The following TSPAN32 variants were observed in gnomAD, a reference collection of about 807,000 sequenced individuals.
The protein encoded by TSPAN32 is tetraspanin 32, also known as tetraspanin-32.
In TSPAN32, 47 loss-of-function variants were observed where a neutral mutation model predicts 42.7. The observed-to-expected ratio is 1.10, with a 90% CI of 0.87 to 1.40. TSPAN32 has a LOEUF of 1.40. TSPAN32 is among the 40% of genes most tolerant of loss of function. The pLI, the probability that TSPAN32 is intolerant of heterozygous loss-of-function variation, is 0.00. For synonymous variants in TSPAN32, 175 were observed against 175.9 expected (o/e 0.99, Z 0.04); for missense variants, 469 against 424.1 (o/e 1.11, Z -0.93).
At chr11:2,307,067 G>A (rs1848161402) in intron 3 of TSPAN32, 1 of 154,150 alleles carries the variant, frequency 6.5e-6, no homozygotes, top group African/African-American at 2.4e-5. Flanking sequence ...AAGAGAGGAG[G>A]AGGAGGCAGC....
chr11:2,315,312 G>A (rs915519224), intron 6 of TSPAN32: 4 of 1,173,316 alleles, frequency 3.4e-6, no homozygotes, highest in South Asian at 1.6e-5. Flanking sequence ...GGCCTGGTGA[G>A]GGGTGGAGCC....
At position 2,302,140 on chromosome 11, in the gene TSPAN32, A is replaced by T. The variant is rs1169405346; in HGVS notation, c.-10A>T. ...AAGGGAGGGGAGGAGAGGAGAGGAGAGGAACCGTCATGGGGCCTTGGAGTC... is the reference window on the plus strand; with the variant it reads ...AAGGGAGGGGAGGAGAGGAGAGGAGTGGAACCGTCATGGGGCCTTGGAGTC... On this transcript the variant is annotated 5_prime_UTR_variant, in exon 1 of 10. Coordinates refer to ENST00000182290, the MANE Select transcript of TSPAN32 (RefSeq NM_139022.3). 16 of 1,468,168 alleles carry T rather than the reference A, an allele frequency of 1.1e-5. No homozygotes were observed. The highest frequency in any genetic ancestry group is 1.4e-5 in the Non-Finnish European group (16 of 1,109,018). 90.9% of individuals were successfully genotyped at this position (1,468,168 alleles called of 1,614,324 possible). A position where few individuals can be genotyped will look rare whatever the true frequency, so the allele number is the denominator to read the frequency against.
At chr11:2,307,722 G>A (rs1387524579) in intron 3 of TSPAN32, among the ~76,000 whole-genome samples, 2 of 152,196 alleles carry the variant, frequency 1.3e-5, no homozygotes, top group African/African-American at 4.8e-5. Flanking sequence ...AAGTGCCGGG[G>A]GCGGGTGCGC....
chr11:2,307,290 G>T (rs891084147), intron 3 of TSPAN32, among the ~76,000 whole-genome samples: 12 of 152,116 alleles, frequency 7.9e-5, no homozygotes, highest in African/African-American at 2.7e-4. Flanking sequence ...GCATGTGTGG[G>T]TCTCCGTCTA....
intron 3 of TSPAN32, among the ~76,000 whole-genome samples, chr11:2,306,240 A>G (rs1294941708): frequency 1.8e-4 from 27 of 152,024 alleles, no homozygotes. Flanking sequence ...GGGCGCCTGG[A>G]TGCTCCCCAC....
intron 4 of TSPAN32, among the ~76,000 whole-genome samples, chr11:2,311,616 C>T (rs1030919688): frequency 2.0e-5 from 3 of 152,176 alleles, no homozygotes; most frequent in Non-Finnish European, 1.5e-5. Flanking sequence ...TCCTGCAGCT[C>T]CTGGTCCCCA....
intron 4 of TSPAN32, among the ~76,000 whole-genome samples, chr11:2,312,689 C>A (rs546934103): frequency 6.6e-6 from 1 of 152,220 alleles, no homozygotes; most frequent in Admixed American, 6.5e-5. Context: ...CGTAAGCCAC[C>A]CTTCCTTTCT....
At chr11:2,314,804 G>T (rs1848681768) in intron 6 of TSPAN32, 3 of 561,132 alleles carry the variant, frequency 5.3e-6, no homozygotes, top group Non-Finnish European at 6.4e-6. Context: ...ATAAACACAG[G>T]CCCCTTTGCC....
In TSPAN32 at chr11:2,308,804, C is replaced by T; in HGVS notation, c.348C>T (p.Pro116=). 6.4e-7 allele frequency: 1 copy of T among 1,566,586 alleles called. No individual in the cohort carries two copies. Among genetic ancestry groups the T allele is most frequent in the African/African-American group, 1.4e-5 (1 of 73,612 alleles). ...VQVVFWRLHS[P]TQVEDAMLDT... Reference sequence around the variant, plus strand: ...TGGTGTTCTGGAGACTCCACAGCCCCACCCAGGTGAGCACCAGCTGCCCCT... The same window carrying T: ...TGGTGTTCTGGAGACTCCACAGCCCTACCCAGGTGAGCACCAGCTGCCCCT... Residue 116 remains proline (P), a synonymous_variant, in exon 4 of 10, where the codon CCC becomes CCT. Coordinates refer to ENST00000182290, the MANE Select transcript of TSPAN32 (RefSeq NM_139022.3).
chr11:2,309,314 G>C (rs1474406904), intron 4 of TSPAN32: 18 of 465,350 alleles, frequency 3.9e-5, no homozygotes, highest in Non-Finnish European at 6.7e-5. Context: ...CCCCCTCCAC[G>C]GAACAGCACC....
At chr11:2,316,202 G>T in intron 6 of TSPAN32, 27 bp from the exon 7 acceptor site, 2 of 1,535,038 alleles carry the variant, frequency 1.3e-6, no homozygotes, top group Non-Finnish European at 1.8e-6. Flanking sequence ...GCTCAGGGCG[G>T]GTACCATGCC....
intron 4 of TSPAN32, 53 bp downstream of exon 4, chr11:2,308,863 G>T: frequency 8.3e-7 from 1 of 1,208,516 alleles, no homozygotes; most frequent in Non-Finnish European, 1.2e-6. Flanking sequence ...GTAAGCCAGT[G>T]GGCACCTGGG....
chr11:2,303,029 T>C (rs371124980), intron 2 of TSPAN32, 71 bp downstream of exon 2: 16 of 1,390,382 alleles, frequency 1.2e-5, no homozygotes, highest in East Asian at 9.2e-5. Flanking sequence ...CGAGCCCAGC[T>C]GGACGCCTCA....
chr11:2,308,070 G>A lies in TSPAN32; in HGVS notation c.280-666G>A, dbSNP rs546273154. Among the ~76,000 whole-genome samples the A allele has an allele frequency of 3.8e-4, 58 of 152,294 alleles. 1 individual carries two copies. In the East Asian group the frequency reaches 9.9e-3, roughly 26 times the overall value. ...CCATGCCCCTCAGGAAGCAGCCCCA[G>A]TGGGCAGAGGTCTCCATCTTCTCAG... is the stretch of plus-strand genomic sequence containing the variant. On this transcript the variant is annotated intron_variant, in intron 3 of 9. Transcript: ENST00000182290.
chr11:2,315,488 T>C, intron 6 of TSPAN32: 1 of 1,152,162 alleles, frequency 8.7e-7, no homozygotes, highest in African/African-American at 1.6e-5. Flanking sequence ...TCGAGCACCC[T>C]TGGGATGGCA....
rs1205466229 is a variant in TSPAN32, at chr11:2,304,498, G to A, written c.279+294G>A. ...ACGCCCAACAAGGGTTCCTATAGGA[G>A]CTCTGAAAGAGAGAGACGGCCCTCC... On this transcript the variant is annotated intron_variant, in intron 3 of 9. Transcript: ENST00000182290. The surrounding 1 kb of genome is among the most constrained non-coding windows in gnomAD (Gnocchi z 4.8). 2.6e-5 allele frequency among the ~76,000 whole-genome samples: 4 copies of A among 151,860 alleles called. No homozygotes were observed. The highest frequency in any genetic ancestry group is 5.9e-5 in the Non-Finnish European group (4 of 67,942).
rs141213612 is a variant in TSPAN32, at chr11:2,314,395, T to G, written c.457-90T>G. 4 of 1,036,746 alleles carry G rather than the reference T, an allele frequency of 3.9e-6. No individual in the cohort carries two copies. The African/African-American group carries it at 4.7e-5, about 12-fold the overall frequency. 64.2% of individuals were successfully genotyped at this position (1,036,746 alleles called of 1,614,324 possible). On this transcript the variant is annotated intron_variant, in intron 5 of 9. Coordinates refer to ENST00000182290, the MANE Select transcript of TSPAN32 (RefSeq NM_139022.3). ...TGGCCTGCAGGGAACCCCACCTGGA[T>G]ACTTGTGGTGCCTCAGTTTCCCCAT...
intron 2 of TSPAN32, chr11:2,303,447 G>C (rs1217864380): frequency 1.0e-5 from 2 of 193,664 alleles, no homozygotes; most frequent in South Asian, 1.3e-4. Context: ...CAGAGAGCGG[G>C]AGCGAGGGCC....
chr11:2,306,228 C>T (rs1434262492), intron 3 of TSPAN32, among the ~76,000 whole-genome samples: 3 of 152,046 alleles, frequency 2.0e-5, no homozygotes, highest in Non-Finnish European at 4.4e-5. Context: ...TTCCAATGGG[C>T]TGGGCGCCTG....
Sources: gnomAD v4.1 joint callset for allele counts (sites outside exome capture counted in the v4.1 genomes callset) on GRCh38, gnomAD v4.1.1 for gene constraint, Gnocchi (gnomAD v3.1) non-coding constraint, MANE v1.5 for transcripts, NCBI Gene and HGNC (gene_info 2026-07-23, HGNC 2026-07-21) for gene names.